ATRX: variants seen among roughly 807,000 people sequenced by gnomAD.
The protein encoded by ATRX is ATRX chromatin remodeler.
ATRX carries 12 observed loss-of-function variants against 172.6 expected under a neutral mutation model. That is an observed-to-expected ratio of 0.07 (90% confidence interval 0.04 to 0.11). The LOEUF is 0.11. Among genes scored for constraint, ATRX ranks in the 10% least tolerant of loss-of-function variants. The probability of loss-of-function intolerance (pLI) is 1.00; values close to 1 mark genes in which losing one functional copy is unlikely to be tolerated. For missense variants in ATRX, 1,368 were observed against 1,767.4 expected, an observed-to-expected ratio of 0.77 and a Z score of 4.05; for synonymous variants, 674 against 594.7, an observed-to-expected ratio of 1.13 and a Z score of -1.94.
Position 77,683,006 on chromosome X carries a change from TGAA to T in ATRX, c.2247_2249del (p.Ser750del), listed in dbSNP as rs1297294136. 2.2e-5 allele frequency: 26 copies of T among 1,209,048 alleles called. No homozygotes were observed. Among genetic ancestry groups the T allele is most frequent in the Admixed American group, 6.6e-5 (3 of 45,647 alleles). On this transcript the variant is annotated inframe_deletion, in exon 9 of 35. Transcript: ENST00000373344. Reference sequence around the variant, plus strand: ...TATGAATTTCATTAATATCAGTATCTGAAGAAGAACTGTGACTCATCCTGCTCA... The same window carrying T: ...TATGAATTTCATTAATATCAGTATCTGAAGAACTGTGACTCATCCTGCTCA...
intron 2 of ATRX, among the ~76,000 whole-genome samples, chrX:77,702,208 C>T (rs183205598): frequency 2.7e-5 from 3 of 111,420 alleles, no homozygotes; most frequent in East Asian, 2.8e-4. Context: ...TTTGGGAGGC[C>T]GAGGCAGGCG....
intron 1 of ATRX, among the ~76,000 whole-genome samples, chrX:77,733,110 C>T (rs5912359): frequency 0.52 from 57,123 of 110,564 alleles, 12,882 homozygotes; most frequent in Non-Finnish European, 0.69. Flanking sequence ...TTCTAAACAT[C>T]GACAGTGACC....
At chrX:77,637,842 G>A (rs782330012) in intron 15 of ATRX, among the ~76,000 whole-genome samples, 31 of 103,240 alleles carry the variant, frequency 3.0e-4, no homozygotes, top group Non-Finnish European at 4.9e-4. Context: ...TCTGGAGGCC[G>A]AGACAGGAGA....
intron 1 of ATRX, among the ~76,000 whole-genome samples, chrX:77,761,626 T>A (rs182364547): frequency 1.8e-5 from 2 of 111,617 alleles, no homozygotes; most frequent in Admixed American, 1.9e-4. Context: ...AAATGTCCCA[T>A]CTCCACATAT....
At chrX:77,716,262 A>G (rs1287068020) in intron 2 of ATRX, among the ~76,000 whole-genome samples, 1 of 84,896 alleles carries the variant, frequency 1.2e-5, no homozygotes, top group Non-Finnish European at 2.2e-5. Context: ...TTACACCACT[A>G]CACTCCAGTC....
In ATRX at chrX:77,681,791, T is replaced by C. The variant is rs1398718902; in HGVS notation, c.3465A>G (p.Ser1155=). Residue 1155 remains serine (S), a synonymous_variant, in exon 9 of 35, where the codon TCA becomes TCG. Transcript: ENST00000373344. The stretch of plus-strand genomic sequence containing the variant: ...CTTCAGAACTTTCCTCAGCATCAGA[T>C]GATGATGAGCCACTTTGTATTTCCT... ...NTKEIQSGSS[S]SDAEESSEDN... is the part of the protein sequence containing the mutation. 2.5e-6 allele frequency: 3 copies of C among 1,198,828 alleles called. No individual in the cohort carries two copies. Among genetic ancestry groups the C allele is most frequent in the Admixed American group, 4.6e-5 (2 of 43,370 alleles).
At chrX:77,637,319 A>T (rs2068431845) in intron 15 of ATRX, among the ~76,000 whole-genome samples, 1 of 111,921 alleles carries the variant, frequency 8.9e-6, no homozygotes, top group African/African-American at 3.2e-5. Flanking sequence ...TAATATATGC[A>T]CACAGGTAAC....
At chrX:77,769,752 C>G (rs1332892686) in intron 1 of ATRX, among the ~76,000 whole-genome samples, 2 of 111,744 alleles carry the variant, frequency 1.8e-5, no homozygotes, top group African/African-American at 6.5e-5. Flanking sequence ...AATATGAGAA[C>G]TGCTATTGTT....
rs2148615901 is a variant in ATRX at position 77,683,521 on chromosome X, T to C, written c.1735A>G (p.Thr579Ala). 8.3e-7 allele frequency: 1 copy of C among 1,207,239 alleles called. No individual in the cohort carries two copies. The change falls in exon 9 of 35, where the codon ACA (threonine) becomes GCA (alanine). Residue 579 changes from threonine (T) to alanine (A), a missense_variant. By Grantham distance (58) the Thr-to-Ala change is moderately conservative. Around this residue, in one of 17 missense-constraint regions of ATRX, gnomAD observed 843 missense variants for 643.1 expected, o/e 1.31. Transcript: ENST00000373344. ...DNRGGIKSKT[T>A]AKVTKELYVK... ...TATAATTCTTTTGTTACTTTAGCTG[T>C]AGTTTTTGATTTAATACCTCCTCTG...
intron 1 of ATRX, 178 bp downstream of exon 1, chrX:77,785,777 TCCCCCCACCCCATCCCCACCCCCACCC>T: frequency 6.8e-5 from 2 of 29,292 alleles, no homozygotes; most frequent in Non-Finnish European, 1.2e-4. Flanking sequence ...CCCCCCCACC[TCCCCCCACCCCATCCCCACCCCCACCC>T]CCGTCGGAGC....
chrX:77,615,909 G>A, intron 22 of ATRX: 1 of 731,957 alleles, frequency 1.4e-6, no homozygotes, highest in Non-Finnish European at 1.6e-6. Flanking sequence ...ATCATTTGGG[G>A]AAAGGTACCA....
chrX:77,773,943 C>A (rs1557200686), intron 1 of ATRX, among the ~76,000 whole-genome samples: 1 of 111,180 alleles, frequency 9.0e-6, no homozygotes, highest in African/African-American at 3.3e-5. Flanking sequence ...GGAGAAGAGG[C>A]CGGGCGCAGT....
chrX:77,517,364 T>G (rs2063089566), intron 34 of ATRX, among the ~76,000 whole-genome samples: 1 of 111,036 alleles, frequency 9.0e-6, no homozygotes, highest in African/African-American at 3.3e-5. Context: ...CCAAAGAAAT[T>G]CAAAGGATCA....
chrX:77,746,359 A>T (rs1557184924), intron 1 of ATRX, among the ~76,000 whole-genome samples: 1 of 111,874 alleles, frequency 8.9e-6, no homozygotes, highest in Non-Finnish European at 1.9e-5. Flanking sequence ...GAAATGAAGC[A>T]TAAAACCCTC....
chrX:77,708,664 A>T (rs1387658629), intron 2 of ATRX, among the ~76,000 whole-genome samples: 1 of 109,820 alleles, frequency 9.1e-6, no homozygotes, highest in African/African-American at 3.3e-5. Context: ...TGTCTCAAAA[A>T]AAAAATAAAA....
intron 22 of ATRX, among the ~76,000 whole-genome samples, chrX:77,613,136 G>T (rs375388283): frequency 9.0e-5 from 10 of 111,098 alleles, no homozygotes; most frequent in East Asian, 8.5e-4. Flanking sequence ...AGATCAAATG[G>T]TAATTCTATG....
chrX:77,733,706 TAAAAAAAA>T (rs1244088795), intron 1 of ATRX, among the ~76,000 whole-genome samples: 2 of 33,034 alleles, frequency 6.1e-5, no homozygotes, highest in African/African-American at 2.5e-4. Flanking sequence ...CCATCTATGC[TAAAAAAAA>T]AAAAAAAAAA....
rs782280704 is a variant in ATRX, at chrX:77,628,684, T to C, written c.5134+4523A>G. ...TATGATCTCAGTGATCATAGTTCAC[T>C]GCTTCCTTGAACTCCTGGACTCAAG... On this transcript the variant is annotated intron_variant, in intron 19 of 34. Transcript: ENST00000373344. 1.9e-4 allele frequency among the ~76,000 whole-genome samples: 21 copies of C among 112,107 alleles called. 1 individual carries two copies. The highest frequency in any genetic ancestry group is 6.1e-4 in the African/African-American group (19 of 30,910).
At chrX:77,784,852 A>C in intron 1 of ATRX, among the ~76,000 whole-genome samples, 1 of 112,283 alleles carries the variant, frequency 8.9e-6, no homozygotes, top group Non-Finnish European at 1.9e-5. Context: ...ACTCAAAGGC[A>C]CATTTCGCCA....
Sources: gnomAD v4.1 joint callset for allele counts (sites outside exome capture counted in the v4.1 genomes callset) on GRCh38, gnomAD v4.1.1 for gene constraint, gnomAD v4.1.1 regional missense constraint, MANE v1.5 for transcripts, NCBI Gene and HGNC (gene_info 2026-07-23, HGNC 2026-07-21) for gene names.